USP6NL: variants seen among roughly 807,000 people sequenced by gnomAD.
The protein encoded by USP6NL is USP6 N-terminal-like protein.
Under a neutral mutation model 61.9 loss-of-function variants are expected in USP6NL, and 26 were observed. That is an observed-to-expected ratio of 0.42 (90% CI 0.31 to 0.58). The LOEUF (loss-of-function observed/expected upper bound fraction) is 0.58, where lower values mean the gene tolerates loss of function less well. USP6NL is among the 20% of genes least tolerant of loss of function. The pLI is 0.16. For missense variants in USP6NL, 1,114 were observed against 1,034.3 expected, an observed-to-expected ratio of 1.08 and a Z score of -1.06; for synonymous variants, 432 against 390.1, an observed-to-expected ratio of 1.11 and a Z score of -1.27.
rs1035866424 is a variant in USP6NL at position 11,485,527 on chromosome 10, AT to A, written c.759+289del. ...ACCCTGAAAAAATATTTTTTGTACA[AT>A]GAAAAAACCTCCAAAACAACTGGGA... On this transcript the variant is annotated intron_variant, in intron 11 of 14. Coordinates refer to ENST00000609104, the MANE Select transcript of USP6NL (RefSeq NM_014688.5). This position sits in a 1 kb window ranked among gnomAD's most constrained non-coding sequence, Gnocchi z 4.8. Among the ~76,000 whole-genome samples the A allele has an allele frequency of 2.1e-4, 32 of 152,314 alleles. No homozygotes were observed. Among genetic ancestry groups the A allele is most frequent in the Middle Eastern group, 3.4e-3 (1 of 294 alleles).
At chr10:11,555,433 A>AAAAAAAAAAAAAATATAT (rs1275798295) in intron 2 of USP6NL, among the ~76,000 whole-genome samples, 5 of 49,026 alleles carry the variant, frequency 1.0e-4, no homozygotes, top group Admixed American at 3.0e-4. Context: ...AAAAAAAAAA[A>AAAAAAAAAAAAAATATAT]ATATATATAT....
chr10:11,461,385 G>A lies in USP6NL; in HGVS notation c.*1056C>T, dbSNP rs2096213623. 6.6e-6 allele frequency: 1 copy of A among 152,174 alleles called. No homozygotes were observed. The highest frequency in any genetic ancestry group is 1.5e-5 in the Non-Finnish European group (1 of 68,040). 9.4% of individuals were successfully genotyped at this position (152,174 alleles called of 1,614,324 possible). On this transcript the variant is annotated 3_prime_UTR_variant, in exon 15 of 15. Coordinates refer to ENST00000609104, the MANE Select transcript of USP6NL (RefSeq NM_014688.5). ...ATAATTTTAACATGGACAATGTAAT[G>A]GCCTGATGAGGTGCAGCAATATCCG...
In USP6NL at chr10:11,548,041, G is replaced by C. The variant is rs552362328; in HGVS notation, c.5-20474C>G. On this transcript the variant is annotated intron_variant, in intron 2 of 14. Coordinates refer to ENST00000609104, the MANE Select transcript of USP6NL (RefSeq NM_014688.5). The surrounding 1 kb of genome is among the most constrained non-coding windows in gnomAD (Gnocchi z 4.3). ...CCCTCGATAACATCTCTTAATAAGT[G>C]ATCACTCAATTTCTCCTTAAGGCTT... is the stretch of plus-strand genomic sequence containing the variant. 6.6e-6 allele frequency among the ~76,000 whole-genome samples: 1 copy of C among 152,270 alleles called. No individual in the cohort carries two copies. Among genetic ancestry groups the C allele is most frequent in the South Asian group, 2.1e-4 (1 of 4,826 alleles).
At chr10:11,522,750 C>A (rs1566155874) in intron 4 of USP6NL, among the ~76,000 whole-genome samples, 1 of 152,236 alleles carries the variant, frequency 6.6e-6, no homozygotes, top group Non-Finnish European at 1.5e-5. Flanking sequence ...CAGTATCCTT[C>A]TCTTTAGGTC....
rs1046659475 is a variant in USP6NL at position 11,495,471 on chromosome 10, A to G, written c.385-2243T>C. ...CCCATTTTCTTTTTCTGAAACTCTT[A>G]TTATTACAGTCTGGGAACTCCTAGG... On this transcript the variant is annotated intron_variant, in intron 7 of 14. Transcript: ENST00000609104. This position sits in a 1 kb window ranked among gnomAD's most constrained non-coding sequence, Gnocchi z 4.6. Among the ~76,000 whole-genome samples the G allele has an allele frequency of 6.6e-6, 1 of 151,912 alleles. No homozygotes were observed. The highest frequency in any genetic ancestry group is 1.5e-5 in the Non-Finnish European group (1 of 67,982).
At position 11,574,174 on chromosome 10, in the gene USP6NL, A is replaced by G. The variant is rs927735969; in HGVS notation, c.4+23457T>C. Among the ~76,000 whole-genome samples the G allele has an allele frequency of 9.2e-5, 14 of 152,364 alleles. No individual in the cohort carries two copies. Among genetic ancestry groups the G allele is most frequent in the African/African-American group, 3.4e-4 (14 of 41,578 alleles). On this transcript the variant is annotated intron_variant, in intron 2 of 14. Coordinates refer to ENST00000609104, the MANE Select transcript of USP6NL (RefSeq NM_014688.5). The surrounding 1 kb of genome is among the most constrained non-coding windows in gnomAD (Gnocchi z 4.3). ...CCTTAATACTTTTTTCCAATTTCTC[A>G]AAAACCTTGTATTTGAAACGGAAAA...
rs780518252 is a variant in USP6NL at position 11,470,909 on chromosome 10, G to A, written c.1079-7060C>T. On this transcript the variant is annotated intron_variant, in intron 14 of 14. Coordinates refer to ENST00000609104, the MANE Select transcript of USP6NL (RefSeq NM_014688.5). This position sits in a 1 kb window ranked among gnomAD's most constrained non-coding sequence, Gnocchi z 5.4. ...CTAAAAACACAGGAATTGGAGGCCTGGCGTGGTGGCTCACGCCTGTAATCC... is the reference window on the plus strand; with the variant it reads ...CTAAAAACACAGGAATTGGAGGCCTAGCGTGGTGGCTCACGCCTGTAATCC... Among the ~76,000 whole-genome samples, 5 of 152,190 alleles carry A rather than the reference G, an allele frequency of 3.3e-5. No homozygotes were observed. The highest frequency in any genetic ancestry group is 7.3e-5 in the Non-Finnish European group (5 of 68,042).
intron 2 of USP6NL, among the ~76,000 whole-genome samples, chr10:11,552,517 C>T (rs567325613): frequency 1.3e-5 from 2 of 152,306 alleles, no homozygotes; most frequent in African/African-American, 4.8e-5. Context: ...ATCCTGCCTA[C>T]GGATAGGGGT....
rs1832710831 is a variant in USP6NL at position 11,470,853 on chromosome 10, T to A, written c.1079-7004A>T. ...TTTTGCTCACTCCACTACAGTCTCA[T>A]GCCTAAAATTTTATTTTCCCTTTCC... On this transcript the variant is annotated intron_variant, in intron 14 of 14. Transcript: ENST00000609104. This position sits in a 1 kb window ranked among gnomAD's most constrained non-coding sequence, Gnocchi z 5.4. Among the ~76,000 whole-genome samples the A allele has an allele frequency of 6.6e-6, 1 of 152,250 alleles. No individual in the cohort carries two copies. The highest frequency in any genetic ancestry group is 1.5e-5 in the Non-Finnish European group (1 of 68,040).
At position 11,532,194 on chromosome 10, in the gene USP6NL, A is replaced by T; in HGVS notation, c.5-4627T>A. On this transcript the variant is annotated intron_variant, in intron 2 of 14. Coordinates refer to ENST00000609104, the MANE Select transcript of USP6NL (RefSeq NM_014688.5). This position sits in a 1 kb window ranked among gnomAD's most constrained non-coding sequence, Gnocchi z 4.1. ...GTACTTTACCCTTTGTGAGATAATC[A>T]GTCTGGCCTTGGGAATTAACAACAG... 6.2e-7 allele frequency: 1 copy of T among 1,600,622 alleles called. No individual in the cohort carries two copies. The highest frequency in any genetic ancestry group is 8.5e-7 in the Non-Finnish European group (1 of 1,172,072).
At position 11,589,785 on chromosome 10, in the gene USP6NL, TTA is replaced by T. The variant is rs1838101388; in HGVS notation, c.4+7844_4+7845del. Among the ~76,000 whole-genome samples, 1 of 152,242 alleles carries T rather than the reference TTA, an allele frequency of 6.6e-6. No individual in the cohort carries two copies. Among genetic ancestry groups the T allele is most frequent in the Admixed American group, 6.5e-5 (1 of 15,282 alleles). Reference sequence around the variant, plus strand: ...CAATATAAATGTTAATGAATATCTATTAGTGTCTGACTATAATCTTTTTATAT... The same window carrying T: ...CAATATAAATGTTAATGAATATCTATGTGTCTGACTATAATCTTTTTATAT... On this transcript the variant is annotated intron_variant, in intron 2 of 14. Coordinates refer to ENST00000609104, the MANE Select transcript of USP6NL (RefSeq NM_014688.5). The surrounding 1 kb of genome is among the most constrained non-coding windows in gnomAD (Gnocchi z 4.7).
chr10:11,576,504 G>A (rs1371877232), intron 2 of USP6NL, among the ~76,000 whole-genome samples: 14 of 152,222 alleles, frequency 9.2e-5, no homozygotes. Flanking sequence ...CCTTACAAGA[G>A]GTAATCCCAG....
rs147749405 is a variant in USP6NL at position 11,494,140 on chromosome 10, A to G, written c.385-912T>C. ...TATTTAACTATTTGGCTGTTTTAGAATTCTAAGTTGGAAAATATTTTTGCT... is the reference window on the plus strand; with the variant it reads ...TATTTAACTATTTGGCTGTTTTAGAGTTCTAAGTTGGAAAATATTTTTGCT... On this transcript the variant is annotated intron_variant, in intron 7 of 14. Transcript: ENST00000609104. Among the ~76,000 whole-genome samples the G allele has an allele frequency of 1.6e-4, 25 of 152,318 alleles. No homozygotes were observed. In the East Asian group the frequency reaches 4.4e-3, roughly 27 times the overall value.
intron 5 of USP6NL, among the ~76,000 whole-genome samples, 184 bp from the exon 6 acceptor site, chr10:11,509,859 T>A (rs1834624560): frequency 6.6e-6 from 1 of 152,184 alleles, no homozygotes; most frequent in Non-Finnish European, 1.5e-5. Context: ...TAGCTAAAGT[T>A]AAGATTAATA....
intron 2 of USP6NL, among the ~76,000 whole-genome samples, chr10:11,538,935 G>A (rs1450552696): frequency 6.6e-6 from 1 of 152,168 alleles, no homozygotes; most frequent in Non-Finnish European, 1.5e-5. Context: ...TCGCAGAGCT[G>A]CACAGGCTCC....
chr10:11,463,791 A>G lies in USP6NL; in HGVS notation c.1137T>C (p.Ser379=). 3.3e-6 allele frequency: 5 copies of G among 1,504,406 alleles called. No individual in the cohort carries two copies. The highest frequency in any genetic ancestry group is 4.4e-6 in the Non-Finnish European group (5 of 1,127,820). The allele number at this position is 1,504,406 out of a possible 1,614,324, so 93.2% of individuals were successfully genotyped here. Residue 379 remains serine (S), a synonymous_variant, in exon 15 of 15, where the codon TCT becomes TCC. Transcript: ENST00000609104. This position sits in a 1 kb window ranked among gnomAD's most constrained non-coding sequence, Gnocchi z 6.3. The stretch of plus-strand genomic sequence containing the variant: ...CGTTGCTCAAGTGATGGACGCCCCA[A>G]GACTGAAGTTCAGGTGGAAGCTGCC... The part of the protein sequence containing the change: ...PLGQLPPELQ[S]WGVHHLSNGQ...
In USP6NL at chr10:11,587,738, T is replaced by C. The variant is rs1029687098; in HGVS notation, c.4+9893A>G. Among the ~76,000 whole-genome samples the C allele has an allele frequency of 2.0e-5, 3 of 152,216 alleles. No individual in the cohort carries two copies. Among genetic ancestry groups the C allele is most frequent in the African/African-American group, 7.2e-5 (3 of 41,460 alleles). ...CATCTTGAGATTTTTATCAAGATAATTCAGAACAGGAATTCTACTAAAAGG... is the reference window on the plus strand; with the variant it reads ...CATCTTGAGATTTTTATCAAGATAACTCAGAACAGGAATTCTACTAAAAGG... On this transcript the variant is annotated intron_variant, in intron 2 of 14. Transcript: ENST00000609104. The surrounding 1 kb of genome is among the most constrained non-coding windows in gnomAD (Gnocchi z 4.5).
At chr10:11,503,947 A>G (rs1834323267) in intron 6 of USP6NL, among the ~76,000 whole-genome samples, 1 of 152,190 alleles carries the variant, frequency 6.6e-6, no homozygotes, top group Admixed American at 6.5e-5. Flanking sequence ...TGGACTTACT[A>G]AAATACATGG....
intron 6 of USP6NL, among the ~76,000 whole-genome samples, chr10:11,506,963 T>C (rs1834473835): frequency 6.6e-6 from 1 of 152,218 alleles, no homozygotes; most frequent in Admixed American, 6.5e-5. Context: ...GTAATTCTTT[T>C]AGAAGGTTCA....
Sources: allele counts gnomAD v4.1 joint callset (sites outside exome capture counted in the v4.1 genomes callset), GRCh38; gene constraint gnomAD v4.1.1; non-coding constraint Gnocchi (gnomAD v3.1); transcripts MANE v1.5; gene names NCBI Gene and HGNC (gene_info 2026-07-23, HGNC 2026-07-21).